The following ZNF654 variants were observed in gnomAD, a reference collection of about 807,000 sequenced individuals.
ZNF654 encodes zinc finger protein 654, also known as melanoma-associated antigen.
ZNF654 carries 19 observed loss-of-function variants against 95.3 expected under a neutral mutation model. The observed-to-expected ratio is 0.20, with a 90% confidence interval of 0.14 to 0.29. The LOEUF (loss-of-function observed/expected upper bound fraction) is 0.29, where lower values mean the gene tolerates loss of function less well. Ranked by LOEUF, ZNF654 falls within the 10% of genes least tolerant of loss-of-function variation. The pLI is 1.00. For synonymous variants in ZNF654, 413 were observed against 457.9 expected, an observed-to-expected ratio of 0.90 and a Z score of 1.25; for missense variants, 1,046 against 1,341.0, an observed-to-expected ratio of 0.78 and a Z score of 3.44.
chr3:88,088,459 A>C (rs1708450184), intron 2 of ZNF654, among the ~76,000 whole-genome samples: 2 of 152,222 alleles, frequency 1.3e-5, no homozygotes, highest in African/African-American at 4.8e-5. Flanking sequence ...TAAAAACATC[A>C]GTATCACGCT....
Position 88,059,468 on chromosome 3 carries a change from G to T in ZNF654, c.149G>T (p.Gly50Val). ...AGSGNCGGGVGISSRDYCRRF... is the reference protein window; with the variant it reads ...AGSGNCGGGVVISSRDYCRRF... ...AGCGGCAACTGCGGCGGCGGCGTCGGAATCAGCAGTCGGGATTACTGCCGA... is the reference window on the plus strand; with the variant it reads ...AGCGGCAACTGCGGCGGCGGCGTCGTAATCAGCAGTCGGGATTACTGCCGA... The change falls in exon 1 of 9, where the codon GGA becomes GTA. Residue 50 changes from glycine (G) to valine (V), a missense_variant. By Grantham distance (109) the Gly-to-Val change is moderately radical (BLOSUM62 -3). This residue lies in a region of ZNF654 where 89 missense variants were observed against 77.9 expected (regional missense o/e 1.14). Coordinates refer to ENST00000636215, the MANE Select transcript of ZNF654 (RefSeq NM_001350134.2). 2 of 1,520,060 alleles carry T rather than the reference G, an allele frequency of 1.3e-6. No individual in the cohort carries two copies. Among genetic ancestry groups the T allele is most frequent in the African/African-American group, 1.4e-5 (1 of 71,976 alleles). 94.2% of individuals were successfully genotyped at this position (1,520,060 alleles called of 1,614,324 possible).
In ZNF654 at chr3:88,060,402, G is replaced by T. The variant is rs532102640; in HGVS notation, c.186+897G>T. ...TTTAGGGGTAAAGTTTGTGTACTCT[G>T]CATTCTCATCTACCTGCATTTGTAA... On this transcript the variant is annotated intron_variant, in intron 1 of 8. Transcript: ENST00000636215. Among the ~76,000 whole-genome samples the T allele has an allele frequency of 2.6e-5, 4 of 152,214 alleles. No homozygotes were observed. In the East Asian group the frequency reaches 7.7e-4, roughly 29 times the overall value.
chr3:88,129,636 C>T, intron 5 of ZNF654, 51 bp from the exon 6 acceptor site: 2 of 1,296,654 alleles, frequency 1.5e-6, no homozygotes, highest in East Asian at 2.6e-5. Context: ...TTGCAACTAG[C>T]TTCTTAGATA....
At chr3:88,085,512 G>A (rs1330167775) in intron 1 of ZNF654, among the ~76,000 whole-genome samples, 1 of 152,136 alleles carries the variant, frequency 6.6e-6, no homozygotes, top group African/African-American at 2.4e-5. Context: ...AGGCAGGCAG[G>A]CAGTAGTTTT....
At chr3:88,134,361 G>A (rs773584797) in intron 6 of ZNF654, among the ~76,000 whole-genome samples, 1 of 151,926 alleles carries the variant, frequency 6.6e-6, no homozygotes, top group Non-Finnish European at 1.5e-5. Flanking sequence ...AGATTATGAT[G>A]CTTTGTACAC....
rs187677284 is a variant in ZNF654 at position 88,072,510 on chromosome 3, T to A, written c.186+13005T>A. 2.6e-5 allele frequency among the ~76,000 whole-genome samples: 4 copies of A among 152,316 alleles called. No homozygotes were observed. In the East Asian group the frequency reaches 7.7e-4, roughly 29 times the overall value. On this transcript the variant is annotated intron_variant, in intron 1 of 8. Transcript: ENST00000636215. ...GTGTCTTTGCCACTCCTTGTACATA[T>A]CTGCTTCTTGGCTTTTGTTTTGTCT...
At chr3:88,102,988 C>T (rs1023256973) in intron 2 of ZNF654, among the ~76,000 whole-genome samples, 2 of 151,968 alleles carry the variant, frequency 1.3e-5, no homozygotes, top group African/African-American at 4.8e-5. Flanking sequence ...ACCCTCTGCC[C>T]CACTAGTAGT....
At chr3:88,061,129 C>A (rs1264156173) in intron 1 of ZNF654, among the ~76,000 whole-genome samples, 1 of 152,064 alleles carries the variant, frequency 6.6e-6, no homozygotes, top group Non-Finnish European at 1.5e-5. Flanking sequence ...CATCTAGAAA[C>A]CACGCTATTG....
intron 2 of ZNF654, among the ~76,000 whole-genome samples, chr3:88,087,160 C>A (rs371931982): frequency 3.9e-5 from 6 of 152,032 alleles, no homozygotes; most frequent in Admixed American, 2.0e-4. Context: ...TTCACCGCAA[C>A]CTCTACCTCC....
rs773152952 is a variant in ZNF654, at chr3:88,141,089, A to G, written c.3379+41A>G. ...TCTTAGTAGAGGTATCTGTAGAAAG[A>G]GAAAATGGCATAAATAAAACTATTA... On this transcript the variant is annotated intron_variant, in intron 8 of 8. Transcript: ENST00000636215. 1.0e-5 allele frequency: 16 copies of G among 1,530,860 alleles called. No homozygotes were observed. The South Asian group carries it at 1.7e-4, about 16-fold the overall frequency. The allele number at this position is 1,530,860 out of a possible 1,614,324, so 94.8% of individuals were successfully genotyped here.
intron 2 of ZNF654, among the ~76,000 whole-genome samples, chr3:88,102,683 G>T (rs769483014): frequency 2.0e-5 from 3 of 152,112 alleles, no homozygotes; most frequent in Admixed American, 6.6e-5. Flanking sequence ...AGAAGGTCAT[G>T]ATACCAACAA....
Position 88,140,138 on chromosome 3 carries a change from C to A in ZNF654, c.2469C>A (p.Asn823Lys). 1 of 1,613,810 alleles carries A rather than the reference C, an allele frequency of 6.2e-7. No individual in the cohort carries two copies. The highest frequency in any genetic ancestry group is 8.5e-7 in the Non-Finnish European group (1 of 1,179,772). The stretch of plus-strand genomic sequence containing the variant: ...ATTTTTGTTTGCATTTTAATTGCAA[C>A]GAGTCGTTTAAGCTGCCGTTCCAGC... The part of the protein sequence containing the change: ...NVYFCLHFNC[N>K]ESFKLPFQLA... Residue 823 changes from asparagine (N) to lysine (K), a missense_variant, in exon 8 of 9, where the codon AAC becomes AAA. Asn to Lys is a moderately conservative substitution (Grantham distance 94, BLOSUM62 0). Around this residue, in one of 9 missense-constraint regions of ZNF654, gnomAD observed 495 missense variants for 537.0 expected, o/e 0.92. Transcript: ENST00000636215.
At chr3:88,080,455 T>G (rs1475982143) in intron 1 of ZNF654, among the ~76,000 whole-genome samples, 1 of 152,182 alleles carries the variant, frequency 6.6e-6, no homozygotes, top group Non-Finnish European at 1.5e-5. Flanking sequence ...TTTTAATATA[T>G]GTCTTATTTA....
chr3:88,143,776 C>T lies in ZNF654; in HGVS notation c.*2124C>T, dbSNP rs1707235220. Reference sequence around the variant, plus strand: ...TGAGATCAAACTGGTTTATATATAACTAAATCAAGGAATGTTTTATAAAAT... The same window carrying T: ...TGAGATCAAACTGGTTTATATATAATTAAATCAAGGAATGTTTTATAAAAT... On this transcript the variant is annotated 3_prime_UTR_variant, in exon 9 of 9. Coordinates refer to ENST00000636215, the MANE Select transcript of ZNF654 (RefSeq NM_001350134.2). 6.6e-6 allele frequency: 1 copy of T among 152,016 alleles called. No individual in the cohort carries two copies. Among genetic ancestry groups the T allele is most frequent in the South Asian group, 2.1e-4 (1 of 4,832 alleles). The allele number at this position is 152,016 out of a possible 1,614,324, so 9.4% of individuals were successfully genotyped here. A position where few individuals can be genotyped will look rare whatever the true frequency, so the allele number is the denominator to read the frequency against.
chr3:88,092,065 A>G (rs1333010861), intron 2 of ZNF654, among the ~76,000 whole-genome samples: 13 of 152,202 alleles, frequency 8.5e-5, no homozygotes. Flanking sequence ...CTAAATAGTA[A>G]GATTTCTTAG....
chr3:88,100,948 TTAAAG>T (rs1704385851), intron 2 of ZNF654, among the ~76,000 whole-genome samples: 1 of 152,230 alleles, frequency 6.6e-6, no homozygotes, highest in East Asian at 1.9e-4. Context: ...ACCCTAAAAC[TTAAAG>T]TATAATAAAA....
Position 88,099,860 on chromosome 3 carries a change from C to T in ZNF654, c.333-13255C>T, listed in dbSNP as rs144906048. Among the ~76,000 whole-genome samples the T allele has an allele frequency of 9.2e-3, 1,407 of 152,230 alleles. 21 individuals carry two copies. Among genetic ancestry groups the T allele is most frequent in the Non-Finnish European group, 0.015 (1,033 of 68,012 alleles). Reference sequence around the variant, plus strand: ...AAAGACTTAAATGTTAGACCTAAAACCATAAAAACCCTAGAAGAAAACGTA... The same window carrying T: ...AAAGACTTAAATGTTAGACCTAAAATCATAAAAACCCTAGAAGAAAACGTA... On this transcript the variant is annotated intron_variant, in intron 2 of 8. Transcript: ENST00000636215.
intron 7 of ZNF654, among the ~76,000 whole-genome samples, chr3:88,136,146 G>C (rs1333918690): frequency 6.6e-6 from 1 of 152,054 alleles, no homozygotes; most frequent in Non-Finnish European, 1.5e-5. Flanking sequence ...CATTTGATGT[G>C]CATCAGAATC....
intron 1 of ZNF654, among the ~76,000 whole-genome samples, chr3:88,085,013 G>T (rs1708262871): frequency 6.6e-6 from 1 of 152,324 alleles, no homozygotes; most frequent in East Asian, 1.9e-4. Context: ...GAGGGAGACA[G>T]CATCTCTGTT....
Sources: gnomAD v4.1 joint callset for allele counts (sites outside exome capture counted in the v4.1 genomes callset) on GRCh38, gnomAD v4.1.1 for gene constraint, gnomAD v4.1.1 regional missense constraint, MANE v1.5 for transcripts, NCBI Gene and HGNC (gene_info 2026-07-23, HGNC 2026-07-21) for gene names.